Variants in METTL15 observed in about 807,000 individuals in gnomAD.
METTL15 encodes methyltransferase 15, mitochondrial 12S rRNA N4-cytidine.
In METTL15, 34 loss-of-function variants were observed where a neutral mutation model predicts 38.3. The ratio of observed to expected loss-of-function variants is 0.89; its 90% confidence interval spans 0.68 to 1.18. The LOEUF is 1.18. METTL15 is among the 50% of genes most tolerant of loss of function. The pLI is 0.00. For synonymous variants in METTL15, 162 were observed against 170.9 expected (o/e 0.95, Z 0.41); for missense variants, 438 against 498.4 (o/e 0.88, Z 1.15).
chr11:28,185,205 G>T (rs920268053), intron 3 of METTL15, among the ~76,000 whole-genome samples: 3 of 151,384 alleles, frequency 2.0e-5, no homozygotes, highest in Admixed American at 1.3e-4. Context: ...ATGGTAAATA[G>T]CTGTTCACTG....
intron 6 of METTL15, among the ~76,000 whole-genome samples, chr11:28,468,511 C>A (rs1340261426): frequency 6.6e-6 from 1 of 152,142 alleles, no homozygotes; most frequent in African/African-American, 2.4e-5. Context: ...TAGTGCATGT[C>A]TTTTTAAGAG....
At chr11:28,111,922 C>T (rs1343939783) in intron 2 of METTL15, among the ~76,000 whole-genome samples, 2 of 152,142 alleles carry the variant, frequency 1.3e-5, no homozygotes, top group Non-Finnish European at 2.9e-5. Context: ...TATTTCATTG[C>T]TGCCAAGCAA....
At chr11:28,173,593 A>G (rs1040645911) in intron 3 of METTL15, among the ~76,000 whole-genome samples, 8 of 152,224 alleles carry the variant, frequency 5.3e-5, no homozygotes, top group Admixed American at 1.3e-4. Context: ...TTACATTAGT[A>G]TGGTGTATTT....
intron 4 of METTL15, among the ~76,000 whole-genome samples, chr11:28,225,996 C>T (rs1590187577): frequency 6.6e-6 from 1 of 151,748 alleles, no homozygotes; most frequent in African/African-American, 2.4e-5. Context: ...CAATATTGTT[C>T]AAGTTTTAAT....
intron 4 of METTL15, among the ~76,000 whole-genome samples, chr11:28,245,698 A>G (rs1483766502): frequency 6.6e-6 from 1 of 152,168 alleles, no homozygotes; most frequent in African/African-American, 2.4e-5. Flanking sequence ...TTCATTGACT[A>G]TCAGTTCCAT....
intron 2 of METTL15, among the ~76,000 whole-genome samples, chr11:28,110,784 A>T (rs1851686061): frequency 1.3e-5 from 2 of 152,144 alleles, no homozygotes; most frequent in Admixed American, 6.5e-5. Flanking sequence ...CATGGGCATC[A>T]CTCACCTGTG....
intron 5 of METTL15, among the ~76,000 whole-genome samples, chr11:28,419,965 A>G (rs966873662): frequency 1.3e-5 from 2 of 152,166 alleles, no homozygotes; most frequent in African/African-American, 2.4e-5. Flanking sequence ...TCAAAAATAC[A>G]CAGTCAGAAG....
chr11:28,215,926 A>G (rs539496194), intron 4 of METTL15, among the ~76,000 whole-genome samples: 88 of 152,166 alleles, frequency 5.8e-4, no homozygotes, highest in African/African-American at 2.0e-3. Flanking sequence ...CTGTGGTGGT[A>G]CTCAGGAGGT....
At chr11:28,190,760 T>C (rs1329745209) in intron 3 of METTL15, among the ~76,000 whole-genome samples, 3 of 151,276 alleles carry the variant, frequency 2.0e-5, no homozygotes, top group Non-Finnish European at 4.5e-5. Flanking sequence ...AGGGAGACAA[T>C]GTTTACTTAG....
intron 5 of METTL15, among the ~76,000 whole-genome samples, chr11:28,365,206 G>C (rs572927451): frequency 6.6e-6 from 1 of 152,136 alleles, no homozygotes; most frequent in African/African-American, 2.4e-5. Flanking sequence ...ATGAGTTAGC[G>C]AGAAACCCTT....
chr11:28,153,391 T>G (rs1314096412), intron 3 of METTL15, among the ~76,000 whole-genome samples: 1 of 152,142 alleles, frequency 6.6e-6, no homozygotes, highest in Non-Finnish European at 1.5e-5. Flanking sequence ...GCTGGCAAAT[T>G]CAAGTTTTGG....
Position 28,349,802 on chromosome 11 carries a change from A to G in METTL15, c.*190-2288A>G, listed in dbSNP as rs1388024892. On this transcript the variant is annotated intron_variant and NMD_transcript_variant, in intron 3 of 7. Coordinates refer to the METTL15 transcript ENST00000532947. ...TCTTTTGTGGGCAACTACTGTTCTGATTTGTATCAGAATTCCTTTTGCTTC... is the reference window on the plus strand; with the variant it reads ...TCTTTTGTGGGCAACTACTGTTCTGGTTTGTATCAGAATTCCTTTTGCTTC... Among the ~76,000 whole-genome samples, 3 of 152,282 alleles carry G rather than the reference A, an allele frequency of 2.0e-5. No homozygotes were observed. In the East Asian group the frequency reaches 5.8e-4, roughly 29 times the overall value.
intron 4 of METTL15, among the ~76,000 whole-genome samples, chr11:28,270,302 A>T (rs1173794571): frequency 6.6e-6 from 1 of 152,220 alleles, no homozygotes; most frequent in Non-Finnish European, 1.5e-5. Context: ...GTTTTGAAAT[A>T]TGTATACGTT....
intron 4 of METTL15, among the ~76,000 whole-genome samples, chr11:28,241,764 ACATGTGC>A (rs1369099170): frequency 6.6e-6 from 1 of 152,188 alleles, no homozygotes; most frequent in African/African-American, 2.4e-5. Context: ...AAGTTATACC[ACATGTGC>A]CTGGTTTCAA....
intron 5 of METTL15, among the ~76,000 whole-genome samples, chr11:28,375,553 C>A (rs367789255): frequency 6.6e-6 from 1 of 151,712 alleles, no homozygotes; most frequent in Admixed American, 6.6e-5. Flanking sequence ...TGATTCTTCT[C>A]TCTTTTTTTC....
At chr11:28,481,017 G>T (rs1851390929) in intron 6 of METTL15, among the ~76,000 whole-genome samples, 1 of 152,236 alleles carries the variant, frequency 6.6e-6, no homozygotes, top group Middle Eastern at 3.4e-3. Flanking sequence ...GAGAGAGAAA[G>T]AATAACGTAT....
intron 3 of METTL15, among the ~76,000 whole-genome samples, chr11:28,121,805 T>C (rs966810535): frequency 6.6e-6 from 1 of 152,094 alleles, no homozygotes; most frequent in Non-Finnish European, 1.5e-5. Context: ...TAGTATTGGA[T>C]TTTATGATAA....
At position 28,178,191 on chromosome 11, in the gene METTL15, C is replaced by A. The variant is rs562688116; in HGVS notation, c.271-32871C>A. Among the ~76,000 whole-genome samples the A allele has an allele frequency of 9.9e-5, 15 of 151,848 alleles. No homozygotes were observed. In the South Asian group the frequency reaches 2.9e-3, roughly 29 times the overall value. On this transcript the variant is annotated intron_variant, in intron 3 of 6. Coordinates refer to ENST00000407364, the MANE Select transcript of METTL15 (RefSeq NM_001113528.2). Reference sequence around the variant, plus strand: ...TTCAGGAATATGCCATTATGAATACCCATACACATACACACATTCACTCCT... The same window carrying A: ...TTCAGGAATATGCCATTATGAATACACATACACATACACACATTCACTCCT...
chr11:28,267,037 G>A (rs1855450310), intron 4 of METTL15, among the ~76,000 whole-genome samples: 1 of 151,730 alleles, frequency 6.6e-6, no homozygotes, highest in African/African-American at 2.4e-5. Context: ...GTGGACACTT[G>A]TAATCCCAGC....
Sources: gnomAD v4.1 joint callset for allele counts (sites outside exome capture counted in the v4.1 genomes callset) on GRCh38, gnomAD v4.1.1 for gene constraint, MANE v1.5 for transcripts, NCBI Gene and HGNC (gene_info 2026-07-23, HGNC 2026-07-21) for gene names.